The following RYK variants were observed in gnomAD, a reference collection of about 807,000 sequenced individuals.
The protein encoded by RYK is receptor like tyrosine kinase, also known as inactive tyrosine-protein kinase RYK.
In RYK, 21 loss-of-function variants were observed where a neutral mutation model predicts 70.2. The ratio of observed to expected loss-of-function variants is 0.30; its 90% CI spans 0.21 to 0.43. The LOEUF is 0.43. RYK is among the 20% of genes least tolerant of loss of function. The pLI, the probability that RYK is intolerant of heterozygous loss-of-function variation, is 1.00. For missense variants in RYK, 604 were observed against 753.3 expected (o/e 0.80, Z 2.32); for synonymous variants, 267 against 278.0 (o/e 0.96, Z 0.39).
intron 5 of RYK, among the ~76,000 whole-genome samples, chr3:134,204,410 A>G (rs1391955056): frequency 6.6e-6 from 1 of 152,008 alleles, no homozygotes; most frequent in African/African-American, 2.4e-5. Context: ...GAGGCAGGAG[A>G]ATCACTTGAA....
At chr3:134,181,241 T>A (rs1398254267) in intron 10 of RYK, 1 of 152,216 alleles carries the variant, frequency 6.6e-6, no homozygotes, top group African/African-American at 2.4e-5. Flanking sequence ...AGAGTCAGTG[T>A]AATAGACCAT....
intron 6 of RYK, among the ~76,000 whole-genome samples, chr3:134,201,316 G>A (rs565567390): frequency 6.6e-6 from 1 of 152,268 alleles, no homozygotes; most frequent in South Asian, 2.1e-4. Flanking sequence ...AGAGTACTAA[G>A]GGGCAGGTAT....
chr3:134,221,437 T>C (rs369297575), intron 2 of RYK, among the ~76,000 whole-genome samples: 14 of 152,064 alleles, frequency 9.2e-5, no homozygotes, highest in African/African-American at 3.1e-4. Context: ...TCTCCTGACC[T>C]TGTGATCCAC....
intron 1 of RYK, among the ~76,000 whole-genome samples, chr3:134,226,819 T>G (rs1252302460): frequency 6.6e-6 from 1 of 152,120 alleles, no homozygotes; most frequent in Non-Finnish European, 1.5e-5. Flanking sequence ...CTTAGTTTGG[T>G]AAAGAACATT....
chr3:134,168,226 A>G (rs1393073016), intron 13 of RYK, among the ~76,000 whole-genome samples: 1 of 152,210 alleles, frequency 6.6e-6, no homozygotes, highest in Non-Finnish European at 1.5e-5. Context: ...TTCCTCAAGG[A>G]TCTAGAACTA....
At chr3:134,238,436 A>C (rs1559766777) in intron 1 of RYK, among the ~76,000 whole-genome samples, 2 of 152,346 alleles carry the variant, frequency 1.3e-5, no homozygotes, top group East Asian at 3.9e-4. Flanking sequence ...CAACAACAGC[A>C]GACAACATAA....
At chr3:134,204,351 T>C (rs992152164) in intron 5 of RYK, among the ~76,000 whole-genome samples, 1 of 151,208 alleles carries the variant, frequency 6.6e-6, no homozygotes, top group Admixed American at 6.6e-5. Flanking sequence ...ATACAAAAAT[T>C]AGCCGTGTAT....
chr3:134,231,905 T>C (rs2015067508), intron 1 of RYK, among the ~76,000 whole-genome samples: 1 of 152,184 alleles, frequency 6.6e-6, no homozygotes, highest in Non-Finnish European at 1.5e-5. Context: ...TGCACCCCTC[T>C]TCTATGTCTC....
intron 1 of RYK, among the ~76,000 whole-genome samples, chr3:134,236,571 C>A (rs1219107392): frequency 6.6e-6 from 1 of 152,126 alleles, no homozygotes; most frequent in African/African-American, 2.4e-5. Context: ...AGAGTAAAAG[C>A]AGATCCTCAA....
intron 9 of RYK, among the ~76,000 whole-genome samples, chr3:134,188,163 A>ATTTTT (rs201166804): frequency 2.2e-5 from 2 of 88,922 alleles, no homozygotes; most frequent in South Asian, 2.8e-4. Context: ...ATATATATAT[A>ATTTTT]TATATTTTTT....
intron 3 of RYK, among the ~76,000 whole-genome samples, chr3:134,211,126 T>C (rs973414259): frequency 2.0e-5 from 3 of 152,160 alleles, no homozygotes; most frequent in Admixed American, 6.6e-5. Context: ...GAATGTTCAG[T>C]TGATGGGAGT....
intron 1 of RYK, among the ~76,000 whole-genome samples, chr3:134,242,252 C>T (rs1336594179): frequency 1.3e-5 from 2 of 151,750 alleles, no homozygotes; most frequent in Non-Finnish European, 2.9e-5. Flanking sequence ...TTGCAGTGAG[C>T]CGAGATCATG....
intron 13 of RYK, among the ~76,000 whole-genome samples, chr3:134,175,212 A>T (rs923086128): frequency 1.3e-5 from 2 of 152,186 alleles, no homozygotes; most frequent in African/African-American, 4.8e-5. Context: ...CCATGGTGGC[A>T]CACGCCTGTA....
chr3:134,171,034 A>C (rs2012886132), intron 13 of RYK: 1 of 152,474 alleles, frequency 6.6e-6, no homozygotes, highest in South Asian at 2.1e-4. Context: ...CAAAGGTGGA[A>C]GAGAAAGGCA....
intron 14 of RYK, 26 bp downstream of exon 14, chr3:134,159,211 A>G (rs2012363913): frequency 1.2e-6 from 2 of 1,612,292 alleles, no homozygotes; most frequent in African/African-American, 2.7e-5. Context: ...AATAAAACTC[A>G]TGCCTTCAAG....
chr3:134,229,047 G>A lies in RYK; in HGVS notation c.233-6508C>T, dbSNP rs539878483. ...AAATGTTTAAAAAACTCTTCCTAGG[G>A]TTACAAGTAAAAAAATAAATAAACC... On this transcript the variant is annotated intron_variant, in intron 1 of 14. Coordinates refer to ENST00000623711, the MANE Select transcript of RYK (RefSeq NM_002958.4). Among the ~76,000 whole-genome samples the A allele has an allele frequency of 1.1e-4, 16 of 152,012 alleles. 1 individual carries two copies. The South Asian group carries it at 3.3e-3, about 32-fold the overall frequency.
chr3:134,208,817 A>C (rs2014298334), intron 4 of RYK, among the ~76,000 whole-genome samples: 1 of 152,224 alleles, frequency 6.6e-6, no homozygotes, highest in Non-Finnish European at 1.5e-5. Context: ...AGACAATGAG[A>C]GAACCCATTG....
chr3:134,225,674 C>T (rs1384358111), intron 1 of RYK, among the ~76,000 whole-genome samples: 1 of 152,066 alleles, frequency 6.6e-6, no homozygotes, highest in East Asian at 1.9e-4. Flanking sequence ...GGCAACACAG[C>T]AACAACCCAT....
chr3:134,207,543 A>T lies in RYK; in HGVS notation c.590-18T>A. 1 of 1,496,102 alleles carries T rather than the reference A, an allele frequency of 6.7e-7. No individual in the cohort carries two copies. The highest frequency in any genetic ancestry group is 9.0e-7 in the Non-Finnish European group (1 of 1,107,436). The allele number at this position is 1,496,102 out of a possible 1,614,324, so 92.7% of individuals were successfully genotyped here. ...TTCAAGTTCTGAATTTAAAGGAGAA[A>T]AATGATGCTTTAGAAATTCTCTTTT... On this transcript the variant is annotated intron_variant, in intron 4 of 14. Transcript: ENST00000623711.
Sources: allele counts gnomAD v4.1 joint callset (sites outside exome capture counted in the v4.1 genomes callset), GRCh38; gene constraint gnomAD v4.1.1; transcripts MANE v1.5; gene names NCBI Gene and HGNC (gene_info 2026-07-23, HGNC 2026-07-21).